Variants in NRG1 observed in about 807,000 individuals in gnomAD.
NRG1 encodes the protein pro-neuregulin-1, membrane-bound isoform.
NRG1 carries 18 observed loss-of-function variants against 63.8 expected under a neutral mutation model. The ratio of observed to expected loss-of-function variants is 0.28; its 90% CI spans 0.19 to 0.42. The LOEUF is 0.42. NRG1 is among the 10% of genes least tolerant of loss of function. The probability of loss-of-function intolerance (pLI) is 1.00; values close to 1 mark genes in which losing one functional copy is unlikely to be tolerated. For missense variants in NRG1, 762 were observed against 814.7 expected (o/e 0.94, Z 0.79); for synonymous variants, 302 against 301.3 (o/e 1.00, Z -0.02).
chr8:32,649,159 CT>C (rs35558760), intron 5 of NRG1, among the ~76,000 whole-genome samples: 12,418 of 123,292 alleles, frequency 0.1, 598 homozygotes, highest in East Asian at 0.32. Context: ...TGAGGTACAT[CT>C]TTTTTTTTTT....
chr8:32,025,761 C>T (rs1269906354), intron 1 of NRG1, among the ~76,000 whole-genome samples: 3 of 151,892 alleles, frequency 2.0e-5, no homozygotes, highest in Non-Finnish European at 4.4e-5. Context: ...TCCTGGCTAA[C>T]AAGGTGAAAT....
intron 1 of NRG1, among the ~76,000 whole-genome samples, chr8:32,559,702 A>G (rs1390437712): frequency 6.6e-6 from 1 of 152,014 alleles, no homozygotes; most frequent in Non-Finnish European, 1.5e-5. Flanking sequence ...AGCCACCTGA[A>G]ATGGTGTTTC....
intron 1 of NRG1, among the ~76,000 whole-genome samples, chr8:31,758,321 G>T (rs958805006): frequency 6.6e-6 from 1 of 152,052 alleles, no homozygotes; most frequent in African/African-American, 2.4e-5. Flanking sequence ...TTGGTTTTCT[G>T]TTCCTGTGTT....
At chr8:32,534,964 T>C (rs904616502) in intron 1 of NRG1, among the ~76,000 whole-genome samples, 7 of 152,190 alleles carry the variant, frequency 4.6e-5, no homozygotes, top group African/African-American at 1.7e-4. Flanking sequence ...GAAAAACACA[T>C]GTAAGCTAAA....
At chr8:32,075,914 C>T (rs1284112586) in intron 1 of NRG1, among the ~76,000 whole-genome samples, 2 of 151,688 alleles carry the variant, frequency 1.3e-5, no homozygotes, top group Non-Finnish European at 1.5e-5. Context: ...CTCAAGTGAT[C>T]CGCCCACCTT....
intron 5 of NRG1, among the ~76,000 whole-genome samples, chr8:32,712,991 C>T (rs377145192): frequency 6.6e-6 from 1 of 152,104 alleles, no homozygotes; most frequent in Admixed American, 6.6e-5. Context: ...AGCTTTGTTA[C>T]GTTGAGCCTG....
At chr8:32,457,914 A>G (rs937589255) in intron 1 of NRG1, among the ~76,000 whole-genome samples, 1 of 135,268 alleles carries the variant, frequency 7.4e-6, no homozygotes, top group Non-Finnish European at 1.7e-5. Context: ...CACGTAAAGC[A>G]ACTTTTTTTT....
intron 5 of NRG1, among the ~76,000 whole-genome samples, chr8:32,653,129 T>G (rs913031579): frequency 2.0e-5 from 3 of 149,194 alleles, no homozygotes; most frequent in Admixed American, 6.7e-5. Context: ...TTTGGTTTTT[T>G]TTTGTTTGTT....
downstream of NRG1, among the ~76,000 whole-genome samples, chr8:32,769,051 A>G (rs2129065755): frequency 6.6e-6 from 1 of 152,334 alleles, no homozygotes; most frequent in South Asian, 2.1e-4. Context: ...ACATACAAAC[A>G]CAGAGAGACA....
chr8:32,595,841 A>T (rs773601187), exon 2 of NRG1: 1 of 1,609,958 alleles, frequency 6.2e-7, no homozygotes, highest in Non-Finnish European at 8.5e-7. Flanking sequence ...TGCCTCCCCG[A>T]TTGAAAGAGA....
chr8:31,864,720 AC>A (rs1828797104), intron 1 of NRG1, among the ~76,000 whole-genome samples: 1 of 152,188 alleles, frequency 6.6e-6, no homozygotes, highest in Admixed American at 6.5e-5. Context: ...CAGTGAGAGC[AC>A]TGAAATGTGT....
chr8:31,885,659 C>T (rs1830663249), intron 1 of NRG1, among the ~76,000 whole-genome samples: 2 of 152,094 alleles, frequency 1.3e-5, no homozygotes, highest in African/African-American at 4.8e-5. Context: ...CCATAGCATC[C>T]ATAGTCATGC....
rs541181431 is a variant in NRG1, at chr8:32,092,194, C to T, written c.37+452763C>T. Among the ~76,000 whole-genome samples the T allele has an allele frequency of 7.5e-4, 114 of 152,032 alleles. 2 individuals are homozygous for T. The highest frequency in any genetic ancestry group is 2.6e-3 in the African/African-American group (108 of 41,502). On this transcript the variant is annotated intron_variant, in intron 1 of 10. Transcript: ENST00000519301. ...AGAAATATGGCAGGGTGCAGTGGCT[C>T]GTGGCTGTAATCCCAGCACTCTGGG...
chr8:32,591,200 T>A (rs986501035), intron 1 of NRG1, among the ~76,000 whole-genome samples: 3 of 152,188 alleles, frequency 2.0e-5, no homozygotes, highest in African/African-American at 7.2e-5. Flanking sequence ...TCATAGAAGT[T>A]ACCCCAGAAG....
chr8:32,745,364 A>G (rs1425658764), intron 7 of NRG1, among the ~76,000 whole-genome samples: 8 of 152,200 alleles, frequency 5.3e-5, no homozygotes, highest in Admixed American at 5.2e-4. Context: ...CAGTTGAAAA[A>G]TAACATTCTA....
intron 1 of NRG1, among the ~76,000 whole-genome samples, chr8:31,841,087 A>C (rs1826159218): frequency 6.6e-6 from 1 of 152,182 alleles, no homozygotes; most frequent in South Asian, 2.1e-4. Context: ...TTTGTGATAA[A>C]GTTTTAAAGT....
At position 32,236,480 on chromosome 8, in the gene NRG1, G is replaced by A. The variant is rs979614128; in HGVS notation, c.38-359348G>A. On this transcript the variant is annotated intron_variant, in intron 1 of 10. Coordinates refer to the NRG1 transcript ENST00000519301. ...GATGAGTAGTAGTATTACCCTTCTG[G>A]ACTGATGCAGATGAGAGCACCATAA... Among the ~76,000 whole-genome samples, 4 of 152,072 alleles carry A rather than the reference G, an allele frequency of 2.6e-5. No individual in the cohort carries two copies. In the East Asian group the frequency reaches 7.7e-4, roughly 29 times the overall value.
intron 1 of NRG1, among the ~76,000 whole-genome samples, chr8:32,119,682 C>G (rs1406200271): frequency 6.6e-6 from 1 of 152,056 alleles, no homozygotes; most frequent in Non-Finnish European, 1.5e-5. Context: ...TGCCCTTTCC[C>G]CTCCAGCTAG....
chr8:32,031,617 G>C (rs1818266651), intron 1 of NRG1, among the ~76,000 whole-genome samples: 2 of 152,012 alleles, frequency 1.3e-5, no homozygotes, highest in Middle Eastern at 3.4e-3. Flanking sequence ...CCCTCCTCTT[G>C]CCCCCCATGA....
Sources: allele counts gnomAD v4.1 joint callset (sites outside exome capture counted in the v4.1 genomes callset), GRCh38; gene constraint gnomAD v4.1.1; transcripts MANE v1.5; gene names NCBI Gene and HGNC (gene_info 2026-07-23, HGNC 2026-07-21).